The following URI1 variants were observed in gnomAD, a reference collection of about 807,000 sequenced individuals.
URI1 encodes the protein URI1 prefoldin like chaperone.
Under a neutral mutation model 60.2 loss-of-function variants are expected in URI1, and 39 were observed. That is an observed-to-expected ratio of 0.65 (90% confidence interval 0.50 to 0.85). URI1 has a LOEUF of 0.85. Ranked by LOEUF, URI1 falls within the 40% of genes least tolerant of loss-of-function variation. The pLI, the probability that URI1 is intolerant of heterozygous loss-of-function variation, is 0.00. For synonymous variants in URI1, 251 were observed against 236.8 expected (o/e 1.06, Z -0.55); for missense variants, 691 against 665.9 (o/e 1.04, Z -0.42).
At chr19:29,990,351 T>G (rs910818272) in intron 4 of URI1, among the ~76,000 whole-genome samples, 4 of 152,210 alleles carry the variant, frequency 2.6e-5, no homozygotes, top group African/African-American at 2.4e-5. Flanking sequence ...TTCAGCAAGT[T>G]AAACATTGTG....
chr19:29,959,482 G>A (rs1176410111), intron 1 of URI1, among the ~76,000 whole-genome samples: 4 of 152,074 alleles, frequency 2.6e-5, no homozygotes, highest in Non-Finnish European at 1.5e-5. Context: ...AGCCGTCTGG[G>A]CCCAATATTT....
At chr19:29,984,507 T>C (rs887563417) in intron 2 of URI1, among the ~76,000 whole-genome samples, 26 of 152,180 alleles carry the variant, frequency 1.7e-4, no homozygotes, top group Admixed American at 1.7e-3. Flanking sequence ...ACTGTCTCCC[T>C]TAATTTTCAC....
upstream of URI1, among the ~76,000 whole-genome samples, chr19:29,941,450 G>A (rs868812194): frequency 6.6e-6 from 1 of 151,866 alleles, no homozygotes; most frequent in African/African-American, 2.4e-5. Flanking sequence ...GGGAGACCCC[G>A]CCTCTACAAA....
chr19:29,929,647 C>T (rs764508122), intron 1 of URI1, among the ~76,000 whole-genome samples: 2 of 152,030 alleles, frequency 1.3e-5, no homozygotes, highest in Non-Finnish European at 2.9e-5. Flanking sequence ...GCTATCCTAG[C>T]AGCTGTGAGA....
chr19:30,013,397 T>C (rs1015481829), intron 10 of URI1, among the ~76,000 whole-genome samples: 2 of 152,144 alleles, frequency 1.3e-5, no homozygotes, highest in South Asian at 4.1e-4. Flanking sequence ...GGACAGTACA[T>C]ATGACTAGAA....
At chr19:29,964,436 G>A (rs1326527878) in intron 1 of URI1, among the ~76,000 whole-genome samples, 2 of 150,362 alleles carry the variant, frequency 1.3e-5, no homozygotes, top group Non-Finnish European at 3.0e-5. Context: ...TGACAGTGGT[G>A]GTTTCTTTTG....
chr19:29,981,269 A>C (rs929609594), intron 2 of URI1, among the ~76,000 whole-genome samples: 1 of 151,952 alleles, frequency 6.6e-6, no homozygotes, highest in African/African-American at 2.4e-5. Context: ...CCGTTAATCC[A>C]TTTTTTTCTG....
In URI1 at chr19:29,942,269, C is replaced by G. The variant is rs971939293; in HGVS notation, c.-279C>G. On this transcript the variant is annotated 5_prime_UTR_variant, in exon 1 of 11. Transcript: ENST00000392271. ...GGGAGGCGCGGCCGCCACGCGACGC[C>G]TGGCTGGGCCCGCACCGGAGAGGCG... 1 of 984,624 alleles carries G rather than the reference C, an allele frequency of 1.0e-6. No individual in the cohort carries two copies. The highest frequency in any genetic ancestry group is 1.2e-6 in the Non-Finnish European group (1 of 829,644). The allele number at this position is 984,624 out of a possible 1,614,324, so 61.0% of individuals were successfully genotyped here.
chr19:29,944,171 A>ATATATATATATT (rs2055072001), intron 1 of URI1, among the ~76,000 whole-genome samples: 4 of 77,394 alleles, frequency 5.2e-5, no homozygotes, highest in Admixed American at 1.5e-4. Flanking sequence ...ATATATATAT[A>ATATATATATATT]TATATATATA....
At chr19:29,926,342 C>CA (rs1378664567) in intron 1 of URI1, among the ~76,000 whole-genome samples, 3 of 151,368 alleles carry the variant, frequency 2.0e-5, no homozygotes, top group Non-Finnish European at 2.9e-5. Flanking sequence ...TGCAGTGGTA[C>CA]AATTATAGCT....
At chr19:29,956,512 A>G in intron 1 of URI1, 1 of 1,575,616 alleles carries the variant, frequency 6.3e-7, no homozygotes, top group Non-Finnish European at 8.6e-7. Context: ...TTGCTGAATC[A>G]AAGCTGCTGA....
upstream of URI1, among the ~76,000 whole-genome samples, chr19:29,941,017 T>C (rs2055017798): frequency 6.6e-6 from 1 of 152,100 alleles, no homozygotes; most frequent in Non-Finnish European, 1.5e-5. Flanking sequence ...GGAATGAACA[T>C]TTATCTTTTC....
chr19:29,998,563 C>A (rs1308548928), intron 4 of URI1, among the ~76,000 whole-genome samples: 1 of 151,920 alleles, frequency 6.6e-6, no homozygotes, highest in African/African-American at 2.4e-5. Context: ...TGTGAAATAT[C>A]CTTTGTCTCT....
At chr19:29,950,577 C>T (rs918072259) in intron 1 of URI1, among the ~76,000 whole-genome samples, 40 of 151,742 alleles carry the variant, frequency 2.6e-4, no homozygotes, top group African/African-American at 8.0e-4. Flanking sequence ...TTTCCCTTTT[C>T]CCCCTGCAGA....
At position 30,011,235 on chromosome 19, in the gene URI1, A is replaced by C; in HGVS notation, c.1177A>C (p.Arg393=). The change falls in exon 9 of 11, where the codon AGA becomes CGA. Residue 393 remains arginine (R), a splice_region_variant and synonymous_variant. Transcript: ENST00000392271. The stretch of plus-strand genomic sequence containing the variant: ...CATCAGGACGCCTGCAGACATTTAC[A>C]GGTGGGAGGCGCTCACAGCTGCAGG... ...PTIRTPADIY[R]AFVDVVNGEY... 1.2e-6 allele frequency: 2 copies of C among 1,601,158 alleles called. No homozygotes were observed. Among genetic ancestry groups the C allele is most frequent in the Non-Finnish European group, 1.7e-6 (2 of 1,176,296 alleles).
chr19:29,944,562 T>C (rs1031494629), intron 1 of URI1, among the ~76,000 whole-genome samples: 3 of 152,184 alleles, frequency 2.0e-5, no homozygotes, highest in African/African-American at 7.2e-5. Context: ...TCTGGTATCG[T>C]GTTGAGTTAC....
At chr19:30,005,601 A>G (rs1448899920) in intron 5 of URI1, 50 bp from the exon 6 acceptor site, 15 of 1,587,072 alleles carry the variant, frequency 9.5e-6, no homozygotes, top group Non-Finnish European at 1.2e-5. Flanking sequence ...TAATTTTAGT[A>G]TGCTGGAGAT....
At chr19:29,967,458 A>G (rs188938817) in intron 1 of URI1, among the ~76,000 whole-genome samples, 100 of 152,342 alleles carry the variant, frequency 6.6e-4, no homozygotes, top group Non-Finnish European at 1.2e-3. Flanking sequence ...TGCTTGGGAA[A>G]TGTGTTTATA....
At chr19:29,958,391 A>G (rs2055277875) in intron 1 of URI1, among the ~76,000 whole-genome samples, 1 of 152,086 alleles carries the variant, frequency 6.6e-6, no homozygotes, top group African/African-American at 2.4e-5. Context: ...AAATAAGGAC[A>G]TTTTCTCCTG....
Sources: gnomAD v4.1 joint callset for allele counts (sites outside exome capture counted in the v4.1 genomes callset) on GRCh38, gnomAD v4.1.1 for gene constraint, MANE v1.5 for transcripts, NCBI Gene and HGNC (gene_info 2026-07-23, HGNC 2026-07-21) for gene names.